GAK: variants seen among roughly 807,000 people sequenced by gnomAD.
GAK encodes the protein cyclin-G-associated kinase.
GAK carries 79 observed loss-of-function variants against 143.9 expected under a neutral mutation model. The observed-to-expected ratio is 0.55, with a 90% CI of 0.46 to 0.66. GAK has a LOEUF of 0.66. Ranked by LOEUF, GAK falls within the 30% of genes least tolerant of loss-of-function variation. The pLI is 0.00. For missense variants in GAK, 1,693 were observed against 1,779.7 expected, an observed-to-expected ratio of 0.95 and a Z score of 0.88; for synonymous variants, 881 against 765.5, an observed-to-expected ratio of 1.15 and a Z score of -2.49.
Position 932,234 on chromosome 4 carries a change from G to A in GAK, c.-47C>T. 1 of 1,484,026 alleles carries A rather than the reference G, an allele frequency of 6.7e-7. No individual in the cohort carries two copies. The highest frequency in any genetic ancestry group is 8.9e-7 in the Non-Finnish European group (1 of 1,122,010). 91.9% of individuals were successfully genotyped at this position (1,484,026 alleles called of 1,614,324 possible). On this transcript the variant is annotated 5_prime_UTR_variant, in exon 1 of 28. Transcript: ENST00000314167. The surrounding 1 kb of genome is among the most constrained non-coding windows in gnomAD (Gnocchi z 4.0). Reference sequence around the variant, plus strand: ...CGCGGCAGCCGGAGTGGTCGGGCTCGGGCTCCCGCTCCCTCGCCGTCCGGG... The same window carrying A: ...CGCGGCAGCCGGAGTGGTCGGGCTCAGGCTCCCGCTCCCTCGCCGTCCGGG...
chr4:851,078 T>C lies in GAK; in HGVS notation c.3515A>G (p.Lys1172Arg), dbSNP rs753905884. 1 of 1,613,326 alleles carries C rather than the reference T, an allele frequency of 6.2e-7. No homozygotes were observed. Among genetic ancestry groups the C allele is most frequent in the South Asian group, 1.1e-5 (1 of 91,054 alleles). The change falls in exon 26 of 28, where the codon AAG becomes AGG. Residue 1172 changes from lysine to arginine, a missense_variant. By Grantham distance (26) the Lys-to-Arg change is conservative (BLOSUM62 2). Around this residue, in one of 2 missense-constraint regions of GAK, gnomAD observed 822 missense variants for 788.7 expected, o/e 1.04. Coordinates refer to ENST00000314167, the MANE Select transcript of GAK (RefSeq NM_005255.4). ...RGVRAPSFAQKPKVSENDFED... is the reference protein window; with the variant it reads ...RGVRAPSFAQRPKVSENDFED... ...AAAGTCGTTCTCAGAGACTTTTGGC[T>C]TTTGAGCTAGAAAAGAACAGAAACT...
At chr4:910,534 T>C (rs1157444465) in intron 4 of GAK, among the ~76,000 whole-genome samples, 1 of 151,832 alleles carries the variant, frequency 6.6e-6, no homozygotes, top group Non-Finnish European at 1.5e-5. Flanking sequence ...CCTGCTGCCC[T>C]CTCTGCTAAC....
At chr4:910,988 G>A (rs1157144401) in intron 4 of GAK, among the ~76,000 whole-genome samples, 3 of 152,106 alleles carry the variant, frequency 2.0e-5, no homozygotes, top group Non-Finnish European at 4.4e-5. Context: ...CAGTCAGCGT[G>A]GGCTCCGGTG....
chr4:922,692 C>CG (rs959614217), intron 1 of GAK, among the ~76,000 whole-genome samples: 16 of 152,096 alleles, frequency 1.1e-4, no homozygotes, highest in East Asian at 9.6e-4. Context: ...CAGGCTGATA[C>CG]GCTCCTACAT....
chr4:878,208 G>A (rs2152800125), intron 15 of GAK, among the ~76,000 whole-genome samples: 1 of 152,286 alleles, frequency 6.6e-6, no homozygotes, highest in Middle Eastern at 3.4e-3. Flanking sequence ...GGGCAACACG[G>A]TGAAACCCTC....
At chr4:868,270 C>T (rs1167460941) in intron 20 of GAK, among the ~76,000 whole-genome samples, 1 of 152,220 alleles carries the variant, frequency 6.6e-6, no homozygotes, top group Non-Finnish European at 1.5e-5. Context: ...GCCAGCCTCC[C>T]CAGGCCCACA....
At chr4:924,836 G>A (rs1425693518) in intron 1 of GAK, among the ~76,000 whole-genome samples, 2 of 151,572 alleles carry the variant, frequency 1.3e-5, no homozygotes, top group East Asian at 1.9e-4. Flanking sequence ...AGTTCCCCCG[G>A]GGGGCTGCTC....
intron 11 of GAK, among the ~76,000 whole-genome samples, chr4:884,824 G>C (rs534466175): frequency 6.6e-6 from 1 of 152,228 alleles, no homozygotes; most frequent in Admixed American, 6.5e-5. Context: ...GACCAGAAAG[G>C]CTGGGCTAGG....
intron 15 of GAK, 65 bp from the exon 16 acceptor site, chr4:877,874 G>A: frequency 7.0e-7 from 1 of 1,430,050 alleles, no homozygotes; most frequent in South Asian, 1.4e-5. Flanking sequence ...AGCTGATTTT[G>A]TCTTTCGAAT....
At chr4:890,304 C>G (rs544731263) in intron 10 of GAK, among the ~76,000 whole-genome samples, 1 of 152,308 alleles carries the variant, frequency 6.6e-6, no homozygotes, top group East Asian at 1.9e-4. Context: ...AGTCCGAATC[C>G]TGACCCCCTC....
intron 20 of GAK, 119 bp downstream of exon 20, chr4:868,420 T>A: frequency 2.1e-6 from 2 of 967,024 alleles, no homozygotes; most frequent in South Asian, 3.2e-5. Context: ...ACAGCCCCAC[T>A]GAGGTGCAAC....
chr4:922,826 G>A (rs1724119169), intron 1 of GAK, among the ~76,000 whole-genome samples: 1 of 152,174 alleles, frequency 6.6e-6, no homozygotes, highest in Non-Finnish European at 1.5e-5. Context: ...AAATGAAAAC[G>A]TATATTCACA....
chr4:903,062 G>A (rs529401497), intron 5 of GAK, among the ~76,000 whole-genome samples: 1 of 151,962 alleles, frequency 6.6e-6, no homozygotes, highest in East Asian at 1.9e-4. Context: ...GTGGGGCTGT[G>A]GGAAGCAGCC....
At chr4:883,957 G>C in intron 12 of GAK, 80 bp downstream of exon 12, 1 of 1,337,618 alleles carries the variant, frequency 7.5e-7, no homozygotes, top group East Asian at 2.3e-5. Context: ...AGGCACCTGT[G>C]CCCTGACACA....
chr4:866,775 G>A (rs572560232), intron 21 of GAK, among the ~76,000 whole-genome samples, 181 bp downstream of exon 21: 16 of 152,306 alleles, frequency 1.1e-4, no homozygotes, highest in East Asian at 5.8e-4. Context: ...CTCCCGGCCC[G>A]TGAGCTCAGG....
chr4:903,559 GGGGGCCT>G (rs1213448750), intron 5 of GAK, among the ~76,000 whole-genome samples: 1 of 142,360 alleles, frequency 7.0e-6, no homozygotes, highest in Non-Finnish European at 1.6e-5. Flanking sequence ...AGCAGGAGTT[GGGGGCCT>G]GGGCCAACAC....
chr4:883,390 G>A lies in GAK; in HGVS notation c.1329C>T (p.Asp443=). 6.2e-7 allele frequency: 1 copy of A among 1,613,806 alleles called. No homozygotes were observed. Among genetic ancestry groups the A allele is most frequent in the Non-Finnish European group, 8.5e-7 (1 of 1,179,990 alleles). The change falls in exon 13 of 28, where the codon GAC becomes GAT. Residue 443 remains aspartate, a synonymous_variant. Coordinates refer to ENST00000314167, the MANE Select transcript of GAK (RefSeq NM_005255.4). ...NNIEDVRLFL[D]SKHPGHYAVY... is the part of the protein sequence containing the mutation. ...CGGCATAGTGCCCTGGGTGCTTGGA[G>A]TCCAGGAACAACCGCACATCTTCGA... is the stretch of plus-strand genomic sequence containing the variant.
intron 5 of GAK, among the ~76,000 whole-genome samples, chr4:903,077 C>T (rs1158709806): frequency 6.6e-6 from 1 of 151,072 alleles, no homozygotes. Flanking sequence ...GCAGCCACAT[C>T]ACATGGAAAC....
Position 893,999 on chromosome 4 carries a change from C to A in GAK, c.752G>T (p.Cys251Phe), listed in dbSNP as rs1187685489. ...GEKQDIWALGCILYLLCFRQH... is the reference protein window; with the variant it reads ...GEKQDIWALGFILYLLCFRQH... The stretch of plus-strand genomic sequence containing the variant: ...CCGGAAGCACAGCAGGTACAAGATG[C>A]AGCCCAGGGCCTGCGGGGAGAGCAG... Residue 251 changes from cysteine to phenylalanine, a missense_variant, in exon 8 of 28, where the codon TGC (cysteine) becomes TTC (phenylalanine). Coordinates refer to ENST00000314167, the MANE Select transcript of GAK (RefSeq NM_005255.4). 2 of 1,606,636 alleles carry A rather than the reference C, an allele frequency of 1.2e-6. No homozygotes were observed. The highest frequency in any genetic ancestry group is 1.7e-6 in the Non-Finnish European group (2 of 1,176,738).
Sources: gnomAD v4.1 joint callset for allele counts (sites outside exome capture counted in the v4.1 genomes callset) on GRCh38, gnomAD v4.1.1 for gene constraint, gnomAD v4.1.1 regional missense constraint, Gnocchi (gnomAD v3.1) non-coding constraint, MANE v1.5 for transcripts, NCBI Gene and HGNC (gene_info 2026-07-23, HGNC 2026-07-21) for gene names.